ME3: variants seen among roughly 807,000 people sequenced by gnomAD.
ME3 encodes the protein NADP-dependent malic enzyme, mitochondrial.
A neutral mutation model predicts 68.9 loss-of-function variants in ME3; 48 were observed. That is an observed-to-expected ratio of 0.70 (90% confidence interval 0.55 to 0.89). ME3 has a LOEUF of 0.89. Among genes scored for constraint, ME3 ranks in the 40% least tolerant of loss-of-function variants. The pLI is 0.00. For synonymous variants in ME3, 320 were observed against 318.8 expected, an observed-to-expected ratio of 1.00 and a Z score of -0.04; for missense variants, 675 against 797.4, an observed-to-expected ratio of 0.85 and a Z score of 1.85.
At chr11:86,625,555 C>A (rs1396086660) in intron 2 of ME3, among the ~76,000 whole-genome samples, 2 of 152,114 alleles carry the variant, frequency 1.3e-5, no homozygotes, top group Non-Finnish European at 2.9e-5. Context: ...TTGGCTAAAC[C>A]TTTCTGTGAC....
At chr11:86,641,306 G>GA (rs1220446279) in intron 2 of ME3, among the ~76,000 whole-genome samples, 1 of 152,156 alleles carries the variant, frequency 6.6e-6, no homozygotes, top group African/African-American at 2.4e-5. Flanking sequence ...AAGTACCACA[G>GA]AAAAGGTTAT....
chr11:86,563,105 A>C (rs1036140301), intron 2 of ME3, among the ~76,000 whole-genome samples: 9 of 152,066 alleles, frequency 5.9e-5, no homozygotes, highest in African/African-American at 2.2e-4. Flanking sequence ...TGTTTTTGCT[A>C]TTGTGAATAG....
At chr11:86,500,448 T>C (rs2139035899) in intron 5 of ME3, among the ~76,000 whole-genome samples, 1 of 152,352 alleles carries the variant, frequency 6.6e-6, no homozygotes, top group Middle Eastern at 3.4e-3. Flanking sequence ...ATGGTTATAG[T>C]TGAGTTATTC....
At chr11:86,653,487 G>T (rs1291171010) in intron 2 of ME3, among the ~76,000 whole-genome samples, 2 of 152,222 alleles carry the variant, frequency 1.3e-5, no homozygotes, top group Non-Finnish European at 2.9e-5. Flanking sequence ...ACCTGCTCCT[G>T]AATGACTACT....
At chr11:86,653,123 T>C (rs1945582800) in intron 2 of ME3, among the ~76,000 whole-genome samples, 2 of 152,092 alleles carry the variant, frequency 1.3e-5, no homozygotes, top group Non-Finnish European at 2.9e-5. Context: ...CAAAGAGACT[T>C]AGACTCCCAC....
intron 2 of ME3, among the ~76,000 whole-genome samples, chr11:86,589,686 C>T (rs1380284858): frequency 4.6e-5 from 7 of 152,056 alleles, no homozygotes; most frequent in Admixed American, 2.6e-4. Context: ...GATTTTTTTC[C>T]CCCACTTAGG....
intron 4 of ME3, among the ~76,000 whole-genome samples, chr11:86,527,951 C>A (rs892045565): frequency 6.6e-6 from 1 of 152,148 alleles, no homozygotes; most frequent in Non-Finnish European, 1.5e-5. Flanking sequence ...CATCAACTAA[C>A]AAGCAAACTA....
At position 86,575,635 on chromosome 11, in the gene ME3, G is replaced by T. The variant is rs1182874621; in HGVS notation, c.184-15812C>A. On this transcript the variant is annotated intron_variant, in intron 2 of 14. Coordinates refer to ENST00000543262, the Ensembl canonical transcript of ME3. ...GAGACAGAGATGAAGTGGATGACGT[G>T]CTCCCCCCCAGGTTGGGTGCAGTGA... 2.5e-5 allele frequency among the ~76,000 whole-genome samples: 3 copies of T among 117,964 alleles called. 1 individual carries two copies. Among genetic ancestry groups the T allele is most frequent in the Non-Finnish European group, 5.4e-5 (3 of 55,792 alleles). The allele number at this position is 117,964 out of a possible 152,430, so 77.4% of individuals were successfully genotyped here. A position where few individuals can be genotyped will look rare whatever the true frequency, so the allele number is the denominator to read the frequency against.
downstream of ME3, among the ~76,000 whole-genome samples, chr11:86,437,676 T>G (rs1043407643): frequency 2.0e-5 from 3 of 152,216 alleles, no homozygotes; most frequent in African/African-American, 7.2e-5. Context: ...ATACTTGCAC[T>G]TCTAAAATTT....
intron 2 of ME3, among the ~76,000 whole-genome samples, chr11:86,656,253 A>T (rs1231075140): frequency 6.6e-6 from 1 of 152,100 alleles, no homozygotes; most frequent in East Asian, 1.9e-4. Context: ...TACTGGATAT[A>T]TACCCAAAAG....
At chr11:86,625,114 A>C (rs1377070575) in intron 2 of ME3, among the ~76,000 whole-genome samples, 1 of 152,178 alleles carries the variant, frequency 6.6e-6, no homozygotes, top group Non-Finnish European at 1.5e-5. Context: ...TATTCTCATT[A>C]TAAAATAACC....
intron 2 of ME3, among the ~76,000 whole-genome samples, chr11:86,603,320 T>C (rs1421630813): frequency 6.6e-6 from 1 of 152,156 alleles, no homozygotes; most frequent in Non-Finnish European, 1.5e-5. Context: ...AAAGAAGACA[T>C]TTATGCAGCC....
At chr11:86,543,889 AAC>A (rs1956205106) in intron 4 of ME3, among the ~76,000 whole-genome samples, 1 of 151,856 alleles carries the variant, frequency 6.6e-6, no homozygotes, top group African/African-American at 2.4e-5. Flanking sequence ...TTCTAAAATC[AAC>A]CACATAATTG....
rs1403401277 is a variant in ME3 at position 86,593,475 on chromosome 11, A to G, written c.184-33652T>C. Reference sequence around the variant, plus strand: ...CTTTCACATATATCATATGAGCCCCACAAAGGCTCCAGAACTTCAGCATAC... The same window carrying G: ...CTTTCACATATATCATATGAGCCCCGCAAAGGCTCCAGAACTTCAGCATAC... On this transcript the variant is annotated intron_variant, in intron 2 of 14. Transcript: ENST00000543262. 2.0e-5 allele frequency among the ~76,000 whole-genome samples: 3 copies of G among 146,678 alleles called. 1 individual carries two copies. Among genetic ancestry groups the G allele is most frequent in the African/African-American group, 7.5e-5 (3 of 39,812 alleles).
chr11:86,600,849 A>T (rs1327524749), intron 2 of ME3, among the ~76,000 whole-genome samples: 1 of 151,842 alleles, frequency 6.6e-6, no homozygotes, highest in Non-Finnish European at 1.5e-5. Context: ...CTCCTGAATG[A>T]CTACTGGGTA....
chr11:86,560,282 A>G (rs1957143017), intron 2 of ME3, among the ~76,000 whole-genome samples: 1 of 151,984 alleles, frequency 6.6e-6, no homozygotes, highest in South Asian at 2.1e-4. Context: ...TGGTTGTTTG[A>G]TAAGTGTCTG....
chr11:86,455,603 AC>A (rs1404512081), intron 8 of ME3, among the ~76,000 whole-genome samples: 2 of 152,164 alleles, frequency 1.3e-5, no homozygotes, highest in Non-Finnish European at 2.9e-5. Context: ...ATTGTTCCCT[AC>A]ACATATCATG....
At chr11:86,455,080 C>T (rs1949840023) in intron 8 of ME3, among the ~76,000 whole-genome samples, 1 of 152,230 alleles carries the variant, frequency 6.6e-6, no homozygotes, top group South Asian at 2.1e-4. Flanking sequence ...CAGCTGTGGC[C>T]TAGAGGGAGT....
chr11:86,555,015 G>A (rs1956860358), intron 4 of ME3, among the ~76,000 whole-genome samples: 2 of 152,188 alleles, frequency 1.3e-5, no homozygotes, highest in Admixed American at 1.3e-4. Flanking sequence ...GGGCTCCGTG[G>A]AGAAGTTGAC....
Sources: allele counts gnomAD v4.1 joint callset (sites outside exome capture counted in the v4.1 genomes callset), GRCh38; gene constraint gnomAD v4.1.1; transcripts MANE v1.5; gene names NCBI Gene and HGNC (gene_info 2026-07-23, HGNC 2026-07-21).